SKI: variants seen among roughly 807,000 people sequenced by gnomAD.
The protein encoded by SKI is SKI proto-oncogene.
A neutral mutation model predicts 59.3 loss-of-function variants in SKI; 23 were observed. The ratio of observed to expected loss-of-function variants is 0.39; its 90% CI spans 0.28 to 0.55. SKI has a LOEUF of 0.55. SKI is among the 20% of genes least tolerant of loss of function. SKI has a pLI of 0.67. For synonymous variants in SKI, 673 were observed against 488.6 expected (o/e 1.38, Z -4.98); for missense variants, 1,017 against 1,038.9 (o/e 0.98, Z 0.29).
Position 2,306,834 on chromosome 1 carries a change from T to A in SKI, c.*69T>A. 1.9e-6 allele frequency: 2 copies of A among 1,029,920 alleles called. No homozygotes were observed. Among genetic ancestry groups the A allele is most frequent in the Non-Finnish European group, 2.5e-6 (2 of 787,684 alleles). The allele number at this position is 1,029,920 out of a possible 1,614,324, so 63.8% of individuals were successfully genotyped here. A position where few individuals can be genotyped will look rare whatever the true frequency, so the allele number is the denominator to read the frequency against. ...GGGGGGCGCGGCTGGGCGGTGCAGC[T>A]CCGCCCGGCTCCGCCCCTGCAGCCC... On this transcript the variant is annotated 3_prime_UTR_variant, in exon 7 of 7. Coordinates refer to ENST00000378536, the MANE Select transcript of SKI (RefSeq NM_003036.4).
chr1:2,236,649 C>G (rs960128646), intron 1 of SKI, among the ~76,000 whole-genome samples: 3 of 152,188 alleles, frequency 2.0e-5, no homozygotes, highest in African/African-American at 7.2e-5. Context: ...TCTTGATCTG[C>G]CCACCTCGGC....
chr1:2,292,800 C>T (rs558357974), intron 1 of SKI, among the ~76,000 whole-genome samples: 4 of 152,304 alleles, frequency 2.6e-5, no homozygotes, highest in South Asian at 2.1e-4. Context: ...GGTCTTCTGA[C>T]GCCGGCGGGG....
intron 1 of SKI, among the ~76,000 whole-genome samples, chr1:2,262,925 G>A (rs1305107963): frequency 6.6e-6 from 1 of 151,968 alleles, no homozygotes; most frequent in Non-Finnish European, 1.5e-5. Context: ...TTTTGAGACC[G>A]AGTCTTGCTC....
chr1:2,251,483 C>T (rs554002713), intron 1 of SKI, among the ~76,000 whole-genome samples: 4 of 152,272 alleles, frequency 2.6e-5, no homozygotes, highest in Admixed American at 6.5e-5. Flanking sequence ...AGCTCTCAAG[C>T]GCCCTCACGT....
chr1:2,229,336 C>A lies in SKI; in HGVS notation c.570C>A (p.Leu190=). ...TDAERLCNAL[L]YGGAYPPPCK... Reference sequence around the variant, plus strand: ...CCGAGCGCCTGTGCAACGCGCTGCTCTACGGCGGCGCCTACCCGCCGCCCT... The same window carrying A: ...CCGAGCGCCTGTGCAACGCGCTGCTATACGGCGGCGCCTACCCGCCGCCCT... The change falls in exon 1 of 7, where the codon CTC becomes CTA. Residue 190 remains leucine, a synonymous_variant. Transcript: ENST00000378536. The surrounding 1 kb of genome is among the most constrained non-coding windows in gnomAD (Gnocchi z 6.3). 1 of 1,595,452 alleles carries A rather than the reference C, an allele frequency of 6.3e-7. No homozygotes were observed. The highest frequency in any genetic ancestry group is 8.5e-7 in the Non-Finnish European group (1 of 1,171,564).
chr1:2,228,922 C>T lies in SKI; in HGVS notation c.156C>T (p.Ala52=), dbSNP rs1451277837. ...AGGAGGCCTACAAGAAGGAGAGCGCCAAGGAGGCGGGCGCGGCCGCGGTGC... is the reference window on the plus strand; with the variant it reads ...AGGAGGCCTACAAGAAGGAGAGCGCTAAGGAGGCGGGCGCGGCCGCGGTGC... ...WAQEAYKKES[A]KEAGAAAVPA... is the part of the protein sequence containing the mutation. The change falls in exon 1 of 7, where the codon GCC becomes GCT. Residue 52 remains alanine, a synonymous_variant. Transcript: ENST00000378536. The T allele has an allele frequency of 2.9e-6, 4 of 1,392,846 alleles. No individual in the cohort carries two copies. The South Asian group carries it at 5.6e-5, about 20-fold the overall frequency. The allele number at this position is 1,392,846 out of a possible 1,614,324, so 86.3% of individuals were successfully genotyped here. A position where few individuals can be genotyped will look rare whatever the true frequency, so the allele number is the denominator to read the frequency against.
chr1:2,229,331 C>T lies in SKI; in HGVS notation c.565C>T (p.Leu189=). The change falls in exon 1 of 7, where the codon CTG becomes TTG. Residue 189 remains leucine, a synonymous_variant. Transcript: ENST00000378536. The surrounding 1 kb of genome is among the most constrained non-coding windows in gnomAD (Gnocchi z 6.3). ...KTDAERLCNA[L]LYGGAYPPPC... ...GGACGCCGAGCGCCTGTGCAACGCG[C>T]TGCTCTACGGCGGCGCCTACCCGCC... 6.3e-7 allele frequency: 1 copy of T among 1,597,136 alleles called. No homozygotes were observed. Among genetic ancestry groups the T allele is most frequent in the Non-Finnish European group, 8.5e-7 (1 of 1,172,572 alleles).
intron 1 of SKI, among the ~76,000 whole-genome samples, chr1:2,264,448 T>G (rs1569759330): frequency 6.6e-6 from 1 of 151,950 alleles, no homozygotes; most frequent in East Asian, 1.9e-4. Context: ...TTTTGTATTT[T>G]TAGTAGAGAC....
chr1:2,294,074 G>C (rs1013416630), intron 1 of SKI, among the ~76,000 whole-genome samples: 1 of 152,172 alleles, frequency 6.6e-6, no homozygotes, highest in African/African-American at 2.4e-5. Flanking sequence ...GAAGGATGTC[G>C]TGCAGGAAGG....
intron 1 of SKI, among the ~76,000 whole-genome samples, chr1:2,279,239 C>T (rs559774971): frequency 1.8e-4 from 27 of 152,334 alleles, no homozygotes; most frequent in African/African-American, 4.1e-4. Context: ...GCATCCCCTA[C>T]GGAACAGCAG....
chr1:2,265,607 A>G (rs1639486579), intron 1 of SKI, among the ~76,000 whole-genome samples: 1 of 151,950 alleles, frequency 6.6e-6, no homozygotes, highest in Admixed American at 6.6e-5. Context: ...TGTGGTCCAC[A>G]TTTTCTTGCT....
intron 1 of SKI, among the ~76,000 whole-genome samples, chr1:2,231,296 C>T (rs568827497): frequency 9.2e-5 from 14 of 152,222 alleles, no homozygotes; most frequent in Non-Finnish European, 1.3e-4. Flanking sequence ...TGCTGGGACA[C>T]GCTCACGTCA....
chr1:2,291,760 C>T (rs946386914), intron 1 of SKI, among the ~76,000 whole-genome samples: 6 of 152,228 alleles, frequency 3.9e-5, no homozygotes, highest in Admixed American at 2.6e-4. Flanking sequence ...CCCGAGGGAG[C>T]GCTACTAATT....
At chr1:2,296,841 G>A (rs904768401) in intron 1 of SKI, among the ~76,000 whole-genome samples, 2 of 152,176 alleles carry the variant, frequency 1.3e-5, no homozygotes, top group African/African-American at 4.8e-5. Flanking sequence ...TTCCTGCTGT[G>A]AAAACCTTCA....
chr1:2,248,949 T>G (rs1290291014), intron 1 of SKI, among the ~76,000 whole-genome samples: 1 of 152,224 alleles, frequency 6.6e-6, no homozygotes, highest in Non-Finnish European at 1.5e-5. Context: ...CCACAAGCCA[T>G]CTCAGGAGCC....
chr1:2,306,526 G>T, intron 6 of SKI, 51 bp from the exon 7 acceptor site: 1 of 1,516,446 alleles, frequency 6.6e-7, no homozygotes, highest in Non-Finnish European at 8.9e-7. Flanking sequence ...GCAGCGTCGG[G>T]CCGGGGCAGG....
In SKI at chr1:2,229,354, G is replaced by C; in HGVS notation, c.588G>C (p.Pro196=). 6.3e-7 allele frequency: 1 copy of C among 1,596,300 alleles called. No individual in the cohort carries two copies. Among genetic ancestry groups the C allele is most frequent in the Non-Finnish European group, 8.5e-7 (1 of 1,171,778 alleles). ...CNALLYGGAY[P]PPCKKELAAS... ...CGCTGCTCTACGGCGGCGCCTACCC[G>C]CCGCCCTGCAAGAAGGAGCTGGCCG... is the stretch of plus-strand genomic sequence containing the variant. The change falls in exon 1 of 7, where the codon CCG becomes CCC. Residue 196 remains proline, a synonymous_variant. Transcript: ENST00000378536. This position sits in a 1 kb window ranked among gnomAD's most constrained non-coding sequence, Gnocchi z 6.3.
chr1:2,275,116 G>A (rs1424424597), intron 1 of SKI, among the ~76,000 whole-genome samples: 1 of 152,208 alleles, frequency 6.6e-6, no homozygotes, highest in Non-Finnish European at 1.5e-5. Context: ...ACCCTGAAAG[G>A]GCTACTGCCC....
At chr1:2,283,897 C>T (rs555216953) in intron 1 of SKI, among the ~76,000 whole-genome samples, 14 of 152,308 alleles carry the variant, frequency 9.2e-5, no homozygotes, top group South Asian at 8.3e-4. Flanking sequence ...AAAGCTGACC[C>T]GCTGGCGGGT....
Sources: gnomAD v4.1 joint callset for allele counts (sites outside exome capture counted in the v4.1 genomes callset) on GRCh38, gnomAD v4.1.1 for gene constraint, Gnocchi (gnomAD v3.1) non-coding constraint, MANE v1.5 for transcripts, NCBI Gene and HGNC (gene_info 2026-07-23, HGNC 2026-07-21) for gene names.